Variants in CBLB observed in about 807,000 individuals in gnomAD.
CBLB encodes the protein Cbl proto-oncogene B, also known as E3 ubiquitin-protein ligase CBL-B.
In CBLB, 31 loss-of-function variants were observed where a neutral mutation model predicts 104.9. The observed-to-expected ratio is 0.30, with a 90% CI of 0.22 to 0.40. The LOEUF (loss-of-function observed/expected upper bound fraction) is 0.40, where lower values mean the gene tolerates loss of function less well. CBLB is among the 10% of genes least tolerant of loss of function. The probability of loss-of-function intolerance (pLI) is 1.00; values close to 1 mark genes in which losing one functional copy is unlikely to be tolerated. For synonymous variants in CBLB, 440 were observed against 422.6 expected (o/e 1.04, Z -0.51); for missense variants, 1,062 against 1,214.6 (o/e 0.87, Z 1.87).
At chr3:105,713,080 G>C (rs2152810092) in intron 10 of CBLB, among the ~76,000 whole-genome samples, 1 of 152,046 alleles carries the variant, frequency 6.6e-6, no homozygotes, top group East Asian at 1.9e-4. Flanking sequence ...GACTATGCTG[G>C]GCATTAGAGT....
intron 3 of CBLB, among the ~76,000 whole-genome samples, chr3:105,839,123 C>G (rs2153092142): frequency 6.6e-6 from 1 of 152,284 alleles, no homozygotes; most frequent in Non-Finnish European, 1.5e-5. Flanking sequence ...TGCTAGGGCA[C>G]TCTTTACCAA....
At chr3:105,804,559 T>A in intron 3 of CBLB, among the ~76,000 whole-genome samples, 1 of 152,110 alleles carries the variant, frequency 6.6e-6, no homozygotes, top group East Asian at 1.9e-4. Context: ...TAAGAATTTG[T>A]TATAATGAAT....
At chr3:105,719,870 A>C (rs956789186) in intron 10 of CBLB, among the ~76,000 whole-genome samples, 177 bp downstream of exon 10, 4 of 152,136 alleles carry the variant, frequency 2.6e-5, no homozygotes, top group Admixed American at 2.6e-4. Flanking sequence ...GTGGGACAAG[A>C]TGTGGAGGTA....
intron 10 of CBLB, among the ~76,000 whole-genome samples, chr3:105,719,812 A>G (rs1178820814): frequency 3.9e-5 from 6 of 152,178 alleles, no homozygotes; most frequent in African/African-American, 1.2e-4. Context: ...CGTTGTTATC[A>G]TAGGAGATGA....
chr3:105,780,270 T>C (rs2080029448), intron 3 of CBLB, among the ~76,000 whole-genome samples: 1 of 152,178 alleles, frequency 6.6e-6, no homozygotes, highest in African/African-American at 2.4e-5. Flanking sequence ...CACATCTTTG[T>C]AGATGGAATT....
chr3:105,867,273 G>A, intron 2 of CBLB, 137 bp downstream of exon 2: 2 of 947,006 alleles, frequency 2.1e-6, no homozygotes, highest in Non-Finnish European at 3.4e-6. Flanking sequence ...ACACAGAGTT[G>A]AAGAAAAATG....
intron 6 of CBLB, among the ~76,000 whole-genome samples, chr3:105,744,995 C>T (rs2075967401): frequency 6.6e-6 from 1 of 151,848 alleles, no homozygotes; most frequent in Admixed American, 6.6e-5. Flanking sequence ...CACCATAAAC[C>T]AAATAAAAAT....
chr3:105,754,067 G>C (rs1267022529), intron 4 of CBLB, among the ~76,000 whole-genome samples: 2 of 152,064 alleles, frequency 1.3e-5, no homozygotes, highest in South Asian at 2.1e-4. Flanking sequence ...TCATATATGA[G>C]TGTTTGCGCA....
intron 17 of CBLB, chr3:105,673,673 G>C (rs2065307564): frequency 6.6e-6 from 1 of 152,076 alleles, no homozygotes; most frequent in Non-Finnish European, 1.5e-5. Context: ...ATCTACCATT[G>C]GTTTAAATCC....
intron 3 of CBLB, among the ~76,000 whole-genome samples, chr3:105,851,042 G>T (rs772687814): frequency 3.3e-5 from 5 of 152,086 alleles, no homozygotes; most frequent in African/African-American, 1.2e-4. Flanking sequence ...TTACCCAAAT[G>T]AGTTAAAAGC....
intron 3 of CBLB, among the ~76,000 whole-genome samples, chr3:105,806,025 G>A (rs906099617): frequency 3.3e-4 from 50 of 151,956 alleles, no homozygotes; most frequent in African/African-American, 1.2e-3. Flanking sequence ...TTCCTCCCAT[G>A]GTCTACATAT....
At chr3:105,691,055 T>C (rs1254875870) in intron 13 of CBLB, among the ~76,000 whole-genome samples, 1 of 152,196 alleles carries the variant, frequency 6.6e-6, no homozygotes, top group East Asian at 1.9e-4. Context: ...AATGTCAAAA[T>C]GTTAAAACTC....
At chr3:105,856,621 A>G (rs1215930299) in intron 2 of CBLB, among the ~76,000 whole-genome samples, 2 of 152,022 alleles carry the variant, frequency 1.3e-5, no homozygotes, top group African/African-American at 2.4e-5. Context: ...TGATTGTATT[A>G]TTTCCTTTAT....
At chr3:105,767,530 TAA>T (rs1451927345) in intron 4 of CBLB, among the ~76,000 whole-genome samples, 1 of 147,510 alleles carries the variant, frequency 6.8e-6, no homozygotes, top group Non-Finnish European at 1.5e-5. Flanking sequence ...GGGATACACA[TAA>T]AATAATTTTT....
chr3:105,702,481 A>AAAG, intron 11 of CBLB, 22 bp from the exon 12 acceptor site: 3 of 1,452,130 alleles, frequency 2.1e-6, no homozygotes, highest in Non-Finnish European at 2.7e-6. Flanking sequence ...GAAGAGAAAA[A>AAAG]AAAAAAAAAA....
intron 3 of CBLB, among the ~76,000 whole-genome samples, chr3:105,829,153 G>GAAA (rs2087037492): frequency 6.6e-6 from 1 of 150,680 alleles, no homozygotes; most frequent in South Asian, 2.1e-4. Context: ...CCAAAGTAAT[G>GAAA]AAAAAAAATT....
At chr3:105,761,318 C>T (rs553578904) in intron 4 of CBLB, among the ~76,000 whole-genome samples, 38 of 152,210 alleles carry the variant, frequency 2.5e-4, no homozygotes, top group Non-Finnish European at 4.7e-4. Flanking sequence ...AGGCATGAGC[C>T]ACTGCACCCA....
intron 8 of CBLB, among the ~76,000 whole-genome samples, chr3:105,735,160 T>C (rs968529461): frequency 6.6e-6 from 1 of 152,162 alleles, no homozygotes; most frequent in African/African-American, 2.4e-5. Flanking sequence ...ATTATAATCC[T>C]GGTGAGAAAA....
intron 18 of CBLB, among the ~76,000 whole-genome samples, chr3:105,662,592 G>T (rs532073464): frequency 6.6e-6 from 1 of 152,306 alleles, no homozygotes; most frequent in Admixed American, 6.5e-5. Flanking sequence ...TTTCTTAAAA[G>T]ATATAAGGTC....
Sources: gnomAD v4.1 joint callset for allele counts (sites outside exome capture counted in the v4.1 genomes callset) on GRCh38, gnomAD v4.1.1 for gene constraint, MANE v1.5 for transcripts, NCBI Gene and HGNC (gene_info 2026-07-23, HGNC 2026-07-21) for gene names.